Variants in FAM81A observed in about 807,000 individuals in gnomAD.
FAM81A encodes the protein protein FAM81A.
In FAM81A, 19 loss-of-function variants were observed where a neutral mutation model predicts 46.7. That is an observed-to-expected ratio of 0.41 (90% CI 0.28 to 0.60). The LOEUF is 0.60. Among genes scored for constraint, FAM81A ranks in the 20% least tolerant of loss-of-function variants. The pLI, the probability that FAM81A is intolerant of heterozygous loss-of-function variation, is 0.34. For synonymous variants in FAM81A, 183 were observed against 152.9 expected (o/e 1.20, Z -1.45); for missense variants, 377 against 453.5 (o/e 0.83, Z 1.53).
At chr15:59,451,991 C>T in intron 1 of FAM81A, among the ~76,000 whole-genome samples, 1 of 152,224 alleles carries the variant, frequency 6.6e-6, no homozygotes, top group Non-Finnish European at 1.5e-5. Context: ...CACAGGTCCT[C>T]ATGGAGCATG....
At chr15:59,512,887 C>T (rs1304805139) in intron 6 of FAM81A, among the ~76,000 whole-genome samples, 4 of 152,178 alleles carry the variant, frequency 2.6e-5, no homozygotes, top group Non-Finnish European at 4.4e-5. Flanking sequence ...GACTTTGATG[C>T]ATCATGAGGC....
chr15:59,503,923 A>T (rs1309747753), intron 4 of FAM81A, among the ~76,000 whole-genome samples: 1 of 152,202 alleles, frequency 6.6e-6, no homozygotes, highest in Admixed American at 6.5e-5. Flanking sequence ...TTGTGTTTCC[A>T]AGTGAGACAC....
At chr15:59,480,311 G>A (rs2081833612) in intron 3 of FAM81A, among the ~76,000 whole-genome samples, 1 of 152,162 alleles carries the variant, frequency 6.6e-6, no homozygotes, top group Admixed American at 6.6e-5. Context: ...AGGAAGAGTT[G>A]GAGAAGGAGG....
intron 2 of FAM81A, among the ~76,000 whole-genome samples, chr15:59,427,765 C>T (rs1403083671): frequency 6.6e-6 from 1 of 152,142 alleles, no homozygotes; most frequent in Non-Finnish European, 1.5e-5. Context: ...AAATAGTATT[C>T]CATTGTGTAT....
At chr15:59,491,951 G>A (rs2081985723) in intron 3 of FAM81A, among the ~76,000 whole-genome samples, 1 of 150,844 alleles carries the variant, frequency 6.6e-6, no homozygotes, top group African/African-American at 2.5e-5. Context: ...GGGCAACAGA[G>A]CAAGACTCCA....
At chr15:59,443,927 G>A (rs1160811763) in intron 1 of FAM81A, 1 of 152,532 alleles carries the variant, frequency 6.6e-6, no homozygotes, top group Non-Finnish European at 1.5e-5. Context: ...CATTTCCTCT[G>A]CTTTGCCCCG....
At chr15:59,511,291 T>C (rs1458283812) in intron 6 of FAM81A, among the ~76,000 whole-genome samples, 2 of 152,192 alleles carry the variant, frequency 1.3e-5, no homozygotes, top group Non-Finnish European at 2.9e-5. Flanking sequence ...GGAGGAAGAT[T>C]TCTGAAATTA....
At chr15:59,445,092 T>TGTG (rs1326773213) in intron 1 of FAM81A, 1 of 152,180 alleles carries the variant, frequency 6.6e-6, no homozygotes, top group Non-Finnish European at 1.5e-5. Flanking sequence ...CAGATTTCAG[T>TGTG]GTGGTGAAAA....
chr15:59,500,014 G>A (rs1214474028), intron 4 of FAM81A, among the ~76,000 whole-genome samples: 2 of 151,986 alleles, frequency 1.3e-5, no homozygotes, highest in Non-Finnish European at 2.9e-5. Context: ...CACCACACCT[G>A]GCTAATTTAT....
intron 2 of FAM81A, among the ~76,000 whole-genome samples, chr15:59,423,588 G>T (rs1365915928): frequency 1.3e-5 from 2 of 152,148 alleles, no homozygotes; most frequent in African/African-American, 4.8e-5. Context: ...CTTATTATAT[G>T]TGACAAAAGG....
At chr15:59,446,451 T>G (rs1188441274) in intron 1 of FAM81A, 1 of 152,224 alleles carries the variant, frequency 6.6e-6, no homozygotes, top group Non-Finnish European at 1.5e-5. Flanking sequence ...CTCCCTTCAG[T>G]TATGCAGAAA....
intron 3 of FAM81A, among the ~76,000 whole-genome samples, chr15:59,474,592 GA>G (rs749898676): frequency 4.6e-5 from 7 of 152,178 alleles, no homozygotes; most frequent in Non-Finnish European, 8.8e-5. Context: ...CCACAATGGG[GA>G]TTAAGTTCAA....
At chr15:59,487,877 G>C (rs1333188178) in intron 3 of FAM81A, among the ~76,000 whole-genome samples, 2 of 152,016 alleles carry the variant, frequency 1.3e-5, no homozygotes, top group Non-Finnish European at 2.9e-5. Flanking sequence ...TAGAAGAGGA[G>C]GAAATACTTC....
At chr15:59,449,973 A>G (rs1474175895) in intron 1 of FAM81A, among the ~76,000 whole-genome samples, 3 of 151,210 alleles carry the variant, frequency 2.0e-5, no homozygotes, top group South Asian at 4.2e-4. Context: ...CCAGGCTGGA[A>G]TGCAGTGATG....
intron 4 of FAM81A, among the ~76,000 whole-genome samples, chr15:59,505,528 T>G: frequency 6.9e-6 from 1 of 144,776 alleles, no homozygotes; most frequent in African/African-American, 2.6e-5. Flanking sequence ...AAAAAAAAAA[T>G]CACAGAAAGG....
intron 3 of FAM81A, among the ~76,000 whole-genome samples, chr15:59,461,508 A>G (rs1373455417): frequency 2.6e-5 from 4 of 152,050 alleles, no homozygotes; most frequent in African/African-American, 7.2e-5. Context: ...TTTTGTAGAG[A>G]CATCGTCTCA....
intron 3 of FAM81A, among the ~76,000 whole-genome samples, chr15:59,467,826 A>G (rs1239436755): frequency 6.6e-6 from 1 of 152,166 alleles, no homozygotes; most frequent in Non-Finnish European, 1.5e-5. Context: ...CCCATTCAGT[A>G]TGATATTGGC....
At chr15:59,492,126 T>G (rs867425180) in intron 3 of FAM81A, 145 bp from the exon 4 acceptor site, 12 of 617,750 alleles carry the variant, frequency 1.9e-5, no homozygotes, top group South Asian at 4.0e-5. Flanking sequence ...GTTCTCTGTT[T>G]AAGTGTGCCT....
intron 3 of FAM81A, among the ~76,000 whole-genome samples, chr15:59,485,028 C>T (rs927792593): frequency 6.6e-6 from 1 of 152,190 alleles, no homozygotes; most frequent in Non-Finnish European, 1.5e-5. Context: ...GGAGACTCCT[C>T]ACCCTGGGGA....
Sources: allele counts gnomAD v4.1 joint callset (sites outside exome capture counted in the v4.1 genomes callset), GRCh38; gene constraint gnomAD v4.1.1; transcripts MANE v1.5; gene names NCBI Gene and HGNC (gene_info 2026-07-23, HGNC 2026-07-21).